Variants in NTM observed in about 807,000 individuals in gnomAD.
The protein encoded by NTM is IgLON family member 2.
Under a neutral mutation model 42.1 loss-of-function variants are expected in NTM, and 13 were observed. The ratio of observed to expected loss-of-function variants is 0.31; its 90% CI spans 0.20 to 0.49. The LOEUF (loss-of-function observed/expected upper bound fraction) is 0.49, where lower values mean the gene tolerates loss of function less well. Ranked by LOEUF, NTM falls within the 20% of genes least tolerant of loss-of-function variation. NTM has a pLI of 0.99. For synonymous variants in NTM, 187 were observed against 179.2 expected, an observed-to-expected ratio of 1.04 and a Z score of -0.35; for missense variants, 373 against 452.8, an observed-to-expected ratio of 0.82 and a Z score of 1.60.
chr11:131,627,211 C>T (rs1169643951), intron 1 of NTM, among the ~76,000 whole-genome samples: 2 of 149,522 alleles, frequency 1.3e-5, no homozygotes, highest in African/African-American at 4.9e-5. Flanking sequence ...ATAAAGCAGG[C>T]GGCTTTTATT....
chr11:131,396,106 A>G (rs1050200652), intron 1 of NTM, among the ~76,000 whole-genome samples: 1 of 152,208 alleles, frequency 6.6e-6, no homozygotes, highest in Non-Finnish European at 1.5e-5. Flanking sequence ...CCAGAAAAGC[A>G]GGTAAAAAGC....
chr11:132,310,021 A>T, intron 5 of NTM, 91 bp from the exon 6 acceptor site: 6 of 1,453,806 alleles, frequency 4.1e-6, no homozygotes, highest in Non-Finnish European at 5.5e-6. Flanking sequence ...ATGCCACTGC[A>T]TTCCAGCCTG....
intron 1 of NTM, among the ~76,000 whole-genome samples, chr11:131,886,320 T>A (rs896567380): frequency 6.6e-6 from 1 of 152,206 alleles, no homozygotes; most frequent in Non-Finnish European, 1.5e-5. Context: ...GCCTTGGACC[T>A]CCTGGCTGTC....
chr11:131,374,356 C>T (rs925123590), intron 1 of NTM, among the ~76,000 whole-genome samples: 1 of 152,214 alleles, frequency 6.6e-6, no homozygotes, highest in Admixed American at 6.5e-5. Flanking sequence ...CTGCCCTGGC[C>T]GGCAGGTCTC....
At chr11:131,713,143 G>A (rs2077350591) in intron 1 of NTM, among the ~76,000 whole-genome samples, 1 of 152,078 alleles carries the variant, frequency 6.6e-6, no homozygotes, top group Non-Finnish European at 1.5e-5. Flanking sequence ...AAACAAGGAT[G>A]TCATGCTATA....
chr11:131,604,211 A>G (rs531303646), intron 1 of NTM, among the ~76,000 whole-genome samples: 6 of 152,234 alleles, frequency 3.9e-5, no homozygotes, highest in African/African-American at 1.4e-4. Context: ...TTTTTTTACT[A>G]TAACCTTCCT....
chr11:131,659,496 A>C (rs2067668334), intron 1 of NTM, among the ~76,000 whole-genome samples: 1 of 152,224 alleles, frequency 6.6e-6, no homozygotes, highest in Non-Finnish European at 1.5e-5. Context: ...ATCGACTTCA[A>C]GGTCCTCTGG....
At chr11:132,225,958 T>C (rs551683027) in intron 4 of NTM, among the ~76,000 whole-genome samples, 1 of 152,234 alleles carries the variant, frequency 6.6e-6, no homozygotes, top group African/African-American at 2.4e-5. Flanking sequence ...TGAGAACATG[T>C]GGCGTTTGGT....
chr11:131,740,495 CTAAT>C (rs1303445238), intron 1 of NTM, among the ~76,000 whole-genome samples: 1 of 152,182 alleles, frequency 6.6e-6, no homozygotes, highest in Non-Finnish European at 1.5e-5. Context: ...GGGTAGGACA[CTAAT>C]TAAACGATGT....
intron 1 of NTM, among the ~76,000 whole-genome samples, chr11:131,655,213 G>A (rs1255361393): frequency 5.9e-5 from 9 of 152,158 alleles, no homozygotes; most frequent in Non-Finnish European, 1.2e-4. Flanking sequence ...CAAGTCTTCT[G>A]AAGTCATTCT....
chr11:131,473,164 T>C (rs1266566710), intron 1 of NTM, among the ~76,000 whole-genome samples: 1 of 152,136 alleles, frequency 6.6e-6, no homozygotes, highest in Non-Finnish European at 1.5e-5. Context: ...ACCAGGCCCT[T>C]GAACAGTGAG....
intron 1 of NTM, among the ~76,000 whole-genome samples, chr11:131,410,409 C>A (rs1436363602): frequency 6.6e-6 from 1 of 151,176 alleles, no homozygotes; most frequent in African/African-American, 2.4e-5. Context: ...TCACTTGAAC[C>A]CAGGAGTTTG....
At chr11:132,182,481 C>A (rs923633563) in intron 3 of NTM, among the ~76,000 whole-genome samples, 26 of 152,266 alleles carry the variant, frequency 1.7e-4, no homozygotes, top group African/African-American at 6.3e-4. Flanking sequence ...ATAATACCTG[C>A]CACACAGGGT....
intron 3 of NTM, among the ~76,000 whole-genome samples, chr11:132,161,052 G>A (rs1446168263): frequency 6.6e-6 from 1 of 152,300 alleles, no homozygotes; most frequent in Middle Eastern, 3.4e-3. Context: ...TGACAAGAGG[G>A]TATCTGGGAG....
At chr11:132,267,168 C>T (rs1310490163) in intron 4 of NTM, among the ~76,000 whole-genome samples, 1 of 152,150 alleles carries the variant, frequency 6.6e-6, no homozygotes, top group East Asian at 1.9e-4. Context: ...CTCTGAAAAG[C>T]TCATTTAGTC....
chr11:132,330,547 G>T lies in NTM; in HGVS notation c.967+362G>T, dbSNP rs187504568. Among the ~76,000 whole-genome samples, 104 of 152,318 alleles carry T rather than the reference G, an allele frequency of 6.8e-4. 1 individual carries two copies. Among genetic ancestry groups the T allele is most frequent in the African/African-American group, 2.3e-3 (97 of 41,574 alleles). On this transcript the variant is annotated intron_variant, in intron 8 of 8. Transcript: ENST00000683400. ...TTCTCAGACCTTGGCCCTGCATGCT[G>T]CCCTTGCTTGCACCATTCTTTCTAT...
chr11:131,464,999 C>G (rs1951757294), intron 1 of NTM, among the ~76,000 whole-genome samples: 1 of 152,212 alleles, frequency 6.6e-6, no homozygotes, highest in African/African-American at 2.4e-5. Flanking sequence ...TGTAAACACA[C>G]ACGTTTTACA....
chr11:131,763,707 C>CTTTTTTTTTTTTTTTTT (rs1443279848), intron 1 of NTM, among the ~76,000 whole-genome samples: 1 of 60,766 alleles, frequency 1.6e-5, no homozygotes, highest in Admixed American at 2.3e-4. Flanking sequence ...CCATCTCTCT[C>CTTTTTTTTTTTTTTTTT]TCTTTTTTTT....
chr11:132,088,366 A>C (rs1284374914), intron 2 of NTM, among the ~76,000 whole-genome samples: 2 of 152,144 alleles, frequency 1.3e-5, no homozygotes, highest in Non-Finnish European at 2.9e-5. Context: ...TCATGTCCCC[A>C]TACTGGCCAC....
Sources: allele counts gnomAD v4.1 joint callset (sites outside exome capture counted in the v4.1 genomes callset), GRCh38; gene constraint gnomAD v4.1.1; transcripts MANE v1.5; gene names NCBI Gene and HGNC (gene_info 2026-07-23, HGNC 2026-07-21).